Variants in TRERF1 observed in about 807,000 individuals in gnomAD.
TRERF1 encodes transcriptional regulating factor 1.
TRERF1 carries 27 observed loss-of-function variants against 122.9 expected under a neutral mutation model. The observed-to-expected ratio is 0.22, with a 90% CI of 0.16 to 0.30. TRERF1 has a LOEUF of 0.30. TRERF1 is among the 10% of genes least tolerant of loss of function. TRERF1 has a pLI of 1.00. For missense variants in TRERF1, 1,248 were observed against 1,560.3 expected, an observed-to-expected ratio of 0.80 and a Z score of 3.37; for synonymous variants, 636 against 641.7, an observed-to-expected ratio of 0.99 and a Z score of 0.13.
rs781340083 is a variant in TRERF1, at chr6:42,263,522, G to T, written c.1682C>A (p.Pro561Gln). 9 of 1,565,444 alleles carry T rather than the reference G, an allele frequency of 5.7e-6. No homozygotes were observed. Among genetic ancestry groups the T allele is most frequent in the African/African-American group, 4.1e-5 (3 of 73,856 alleles). The change falls in exon 8 of 18, where the codon CCG becomes CAG. Residue 561 changes from proline to glutamine, a missense_variant. This residue lies in a region of TRERF1 where 946 missense variants were observed against 1,073.0 expected (regional missense o/e 0.88). Transcript: ENST00000372922. The surrounding 1 kb of genome is among the most constrained non-coding windows in gnomAD (Gnocchi z 5.6). ...TGGCGGCGGAGGCGGAGGCGGAGGC[G>T]GCAGTGGTGGCTGGGGCTGAGGCGG...
Position 42,243,375 on chromosome 6 carries a change from G to T in TRERF1, c.2746-14C>A. On this transcript the variant is annotated splice_polypyrimidine_tract_variant and intron_variant, in intron 14 of 17. Transcript: ENST00000372922. ...CTTGGACTTCACCTGCCGGGAAAGC[G>T]AACTCAAGGTTAGCTCCAGCAATGG... The T allele has an allele frequency of 6.3e-7, 1 of 1,592,332 alleles. No individual in the cohort carries two copies. The highest frequency in any genetic ancestry group is 8.6e-7 in the Non-Finnish European group (1 of 1,160,526).
chr6:42,300,240 T>C (rs1003737847), intron 4 of TRERF1, among the ~76,000 whole-genome samples: 3 of 152,202 alleles, frequency 2.0e-5, no homozygotes, highest in Non-Finnish European at 4.4e-5. Context: ...TGACTCTGTG[T>C]GGGACAGAAG....
intron 3 of TRERF1, among the ~76,000 whole-genome samples, chr6:42,301,011 A>G (rs985580039): frequency 4.6e-5 from 7 of 151,776 alleles, no homozygotes; most frequent in African/African-American, 1.7e-4. Context: ...AGAGAGAGAG[A>G]GAGAGACAGA....
chr6:42,346,974 G>A (rs996037665), intron 3 of TRERF1, among the ~76,000 whole-genome samples: 3 of 152,176 alleles, frequency 2.0e-5, no homozygotes, highest in East Asian at 1.9e-4. Context: ...TTCCAAAGGG[G>A]CTCAGGTAGA....
At chr6:42,264,504 C>A (rs1189623899) in intron 7 of TRERF1, among the ~76,000 whole-genome samples, 200 bp downstream of exon 7, 2 of 152,232 alleles carry the variant, frequency 1.3e-5, no homozygotes, top group East Asian at 1.9e-4. Flanking sequence ...CTGATTTTGA[C>A]CCTTGCTCAT....
chr6:42,258,814 A>G (rs1465121387), intron 9 of TRERF1, among the ~76,000 whole-genome samples: 1 of 152,016 alleles, frequency 6.6e-6, no homozygotes, highest in Non-Finnish European at 1.5e-5. Context: ...GGCTCACTGC[A>G]ACCTCTGCCT....
intron 2 of TRERF1, among the ~76,000 whole-genome samples, chr6:42,374,773 T>A (rs1297154924): frequency 1.3e-5 from 2 of 151,952 alleles, no homozygotes; most frequent in African/African-American, 4.8e-5. Context: ...TTTGGGAGGC[T>A]GACATGGGTG....
At chr6:42,316,893 AT>A (rs1379578903) in intron 3 of TRERF1, among the ~76,000 whole-genome samples, 1 of 152,098 alleles carries the variant, frequency 6.6e-6, no homozygotes, top group Non-Finnish European at 1.5e-5. Flanking sequence ...AGGTCACAAG[AT>A]TTGTGACTTC....
At chr6:42,343,176 G>T (rs774352804) in intron 3 of TRERF1, among the ~76,000 whole-genome samples, 2 of 152,192 alleles carry the variant, frequency 1.3e-5, no homozygotes, top group African/African-American at 4.8e-5. Flanking sequence ...CCTGGGATAT[G>T]AGAAACCCAC....
intron 3 of TRERF1, among the ~76,000 whole-genome samples, chr6:42,311,104 G>A (rs1195856525): frequency 6.6e-6 from 1 of 152,190 alleles, no homozygotes; most frequent in African/African-American, 2.4e-5. Flanking sequence ...TGGAAACACA[G>A]CAGGAAACAA....
intron 3 of TRERF1, among the ~76,000 whole-genome samples, chr6:42,306,222 G>C (rs1035805572): frequency 2.0e-5 from 3 of 151,802 alleles, no homozygotes; most frequent in African/African-American, 4.8e-5. Flanking sequence ...GTCTGGTCTG[G>C]AACTCCTGAC....
rs542928825 is a variant in TRERF1, at chr6:42,446,176, A to C, written c.-454+5001T>G. On this transcript the variant is annotated intron_variant, in intron 2 of 17. Transcript: ENST00000372922. ...CTATCCACCCGCTTCGGCCTCCCGA[A>C]GTGCTAGGATTACAGGTGTGAGCCA... Among the ~76,000 whole-genome samples the C allele has an allele frequency of 6.6e-5, 10 of 152,334 alleles. No individual in the cohort carries two copies. The South Asian group carries it at 1.9e-3, about 28-fold the overall frequency.
Position 42,268,472 on chromosome 6 carries a change from G to A in TRERF1, c.1119C>T (p.Ser373=). 2 of 1,602,492 alleles carry A rather than the reference G, an allele frequency of 1.2e-6. No homozygotes were observed. The highest frequency in any genetic ancestry group is 1.7e-6 in the Non-Finnish European group (2 of 1,173,224). ...GCTCCTGGTAGTAGTACTGGGACAT[G>A]GAGCCCAGGGGAATCAGCTGGACAG... The change falls in exon 5 of 18, where the codon TCC becomes TCT. Residue 373 remains serine (S), a synonymous_variant. Coordinates refer to ENST00000372922, the Ensembl canonical transcript of TRERF1. The surrounding 1 kb of genome is among the most constrained non-coding windows in gnomAD (Gnocchi z 4.4).
chr6:42,378,746 A>T (rs1775360159), intron 2 of TRERF1, among the ~76,000 whole-genome samples: 1 of 152,174 alleles, frequency 6.6e-6, no homozygotes, highest in Non-Finnish European at 1.5e-5. Context: ...GCTACCCACA[A>T]AAAAGGGGCA....
intron 3 of TRERF1, among the ~76,000 whole-genome samples, chr6:42,337,223 T>C (rs554584823): frequency 6.6e-6 from 1 of 152,238 alleles, no homozygotes; most frequent in Admixed American, 6.5e-5. Flanking sequence ...AGAAGACCCC[T>C]CTCAGAGTGG....
intron 4 of TRERF1, among the ~76,000 whole-genome samples, chr6:42,299,105 T>G (rs1227853933): frequency 1.5e-5 from 2 of 136,544 alleles, no homozygotes; most frequent in African/African-American, 5.7e-5. Context: ...TCTGTCTGTC[T>G]GTCTGTCTGT....
chr6:42,304,317 C>A (rs1460253195), intron 3 of TRERF1, among the ~76,000 whole-genome samples: 1 of 152,230 alleles, frequency 6.6e-6, no homozygotes, highest in Non-Finnish European at 1.5e-5. Flanking sequence ...AGCCGTATGG[C>A]CTTGTCCCAC....
rs75668133 is a variant in TRERF1 at position 42,427,075 on chromosome 6, C to T, written c.-454+24102G>A. ...TCCCAAAGTGCCTATAATCCTAGCA[C>T]TTTGGGAGGCTGAGATGGGAGGATC... On this transcript the variant is annotated intron_variant, in intron 2 of 17. Transcript: ENST00000372922. 6.0e-3 allele frequency among the ~76,000 whole-genome samples: 913 copies of T among 151,530 alleles called. 9 individuals carry two copies. Among genetic ancestry groups the T allele is most frequent in the African/African-American group, 0.021 (884 of 41,348 alleles).
chr6:42,232,968 A>G lies in TRERF1; in HGVS notation c.3067-76T>C. 1 of 1,478,122 alleles carries G rather than the reference A, an allele frequency of 6.8e-7. No individual in the cohort carries two copies. The highest frequency in any genetic ancestry group is 9.0e-7 in the Non-Finnish European group (1 of 1,109,332). 91.6% of individuals were successfully genotyped at this position (1,478,122 alleles called of 1,614,324 possible). A position where few individuals can be genotyped will look rare whatever the true frequency, so the allele number is the denominator to read the frequency against. ...AGGGTTATTAGTTACTCAGTGGTAAACATGGAATACTTGAAACTGTCTAAT... is the reference window on the plus strand; with the variant it reads ...AGGGTTATTAGTTACTCAGTGGTAAGCATGGAATACTTGAAACTGTCTAAT... On this transcript the variant is annotated intron_variant, in intron 16 of 17. Coordinates refer to ENST00000372922, the Ensembl canonical transcript of TRERF1. This position sits in a 1 kb window ranked among gnomAD's most constrained non-coding sequence, Gnocchi z 4.5.
Sources: gnomAD v4.1 joint callset for allele counts (sites outside exome capture counted in the v4.1 genomes callset) on GRCh38, gnomAD v4.1.1 for gene constraint, gnomAD v4.1.1 regional missense constraint, Gnocchi (gnomAD v3.1) non-coding constraint, MANE v1.5 for transcripts, NCBI Gene and HGNC (gene_info 2026-07-23, HGNC 2026-07-21) for gene names.